Variants in WWTR1 observed in about 807,000 individuals in gnomAD.
WWTR1 encodes the protein WW domain-containing transcription regulator protein 1.
A neutral mutation model predicts 40.1 loss-of-function variants in WWTR1; 13 were observed. The observed-to-expected ratio is 0.32, with a 90% CI of 0.21 to 0.52. The LOEUF is 0.52. Ranked by LOEUF, WWTR1 falls within the 20% of genes least tolerant of loss-of-function variation. The probability of loss-of-function intolerance (pLI) is 0.97; values close to 1 mark genes in which losing one functional copy is unlikely to be tolerated. For missense variants in WWTR1, 436 were observed against 523.1 expected (o/e 0.83, Z 1.63); for synonymous variants, 230 against 210.1 (o/e 1.09, Z -0.82).
chr3:149,553,799 C>T (rs550628932), intron 3 of WWTR1, among the ~76,000 whole-genome samples: 2 of 152,184 alleles, frequency 1.3e-5, no homozygotes, highest in East Asian at 3.9e-4. Context: ...GTTTATGCGC[C>T]GTCCATGGCT....
chr3:149,705,762 G>C (rs1403407636), upstream of WWTR1, among the ~76,000 whole-genome samples: 2 of 152,106 alleles, frequency 1.3e-5, no homozygotes, highest in Non-Finnish European at 2.9e-5. Context: ...ATTCCAACTG[G>C]CAAAAATAGT....
At chr3:149,722,109 T>G (rs1715769750) in intron 4 of WWTR1, among the ~76,000 whole-genome samples, 1 of 152,166 alleles carries the variant, frequency 6.6e-6, no homozygotes. Context: ...TTTAATAATT[T>G]GAGTCTTCTT....
At chr3:149,718,843 T>C (rs1407336167) in intron 4 of WWTR1, among the ~76,000 whole-genome samples, 2 of 151,964 alleles carry the variant, frequency 1.3e-5, no homozygotes, top group Non-Finnish European at 2.9e-5. Flanking sequence ...TTTTTTTTCT[T>C]GTGGCAGGGT....
chr3:149,607,360 G>A (rs1739534721), intron 2 of WWTR1, among the ~76,000 whole-genome samples: 1 of 152,114 alleles, frequency 6.6e-6, no homozygotes, highest in Non-Finnish European at 1.5e-5. Flanking sequence ...TGTTGCCCAG[G>A]TTGGAGTGCA....
At position 149,694,217 on chromosome 3, in the gene WWTR1, C is replaced by A. The variant is rs1482815405; in HGVS notation, c.-108+8907G>T. On this transcript the variant is annotated intron_variant, in intron 1 of 7. Transcript: ENST00000465804. Reference sequence around the variant, plus strand: ...GACCAGCCTGACCAACATGGGGAAACCCCGTCTCTACTAAAAATACAAAAA... The same window carrying A: ...GACCAGCCTGACCAACATGGGGAAAACCCGTCTCTACTAAAAATACAAAAA... Among the ~76,000 whole-genome samples, 6 of 152,138 alleles carry A rather than the reference C, an allele frequency of 3.9e-5. No homozygotes were observed. The East Asian group carries it at 1.2e-3, about 29-fold the overall frequency.
At chr3:149,573,788 T>C (rs529153363) in intron 2 of WWTR1, among the ~76,000 whole-genome samples, 3 of 152,270 alleles carry the variant, frequency 2.0e-5, no homozygotes, top group South Asian at 4.2e-4. Flanking sequence ...ACATGAAACA[T>C]GAGCTTCTGC....
At chr3:149,591,956 C>T (rs147961603) in intron 2 of WWTR1, among the ~76,000 whole-genome samples, 1 of 152,300 alleles carries the variant, frequency 6.6e-6, no homozygotes, top group East Asian at 1.9e-4. Flanking sequence ...AGAGACACTT[C>T]TGATTCTGCC....
At chr3:149,689,380 C>CAAAA (rs3044083) in intron 1 of WWTR1, among the ~76,000 whole-genome samples, 34 of 36,710 alleles carry the variant, frequency 9.3e-4, no homozygotes, top group Admixed American at 9.9e-4. Context: ...GAACCTATCT[C>CAAAA]AAAAAAAAAA....
chr3:149,660,131 GT>G (rs1713508124), upstream of WWTR1: 4 of 152,320 alleles, frequency 2.6e-5, no homozygotes, highest in South Asian at 8.3e-4. Flanking sequence ...TCCTTGGAAA[GT>G]AGAATCTTTG....
rs1715832211 is a variant in WWTR1, at chr3:149,724,646, A to AC, written n.323+55dup. 2.0e-5 allele frequency: 3 copies of AC among 152,038 alleles called. No homozygotes were observed. The South Asian group carries it at 6.2e-4, about 32-fold the overall frequency. The allele number at this position is 152,038 out of a possible 1,614,324, so 9.4% of individuals were successfully genotyped here. A position where few individuals can be genotyped will look rare whatever the true frequency, so the allele number is the denominator to read the frequency against. On this transcript the variant is annotated intron_variant and non_coding_transcript_variant, in intron 3 of 6. Coordinates refer to the WWTR1 transcript ENST00000474080. Reference sequence around the variant, plus strand: ...ATTGACACCTTGAAACCTTCCAAAGACCCTATGTTAAGAACCCCTTCTAAA... The same window carrying AC: ...ATTGACACCTTGAAACCTTCCAAAGACCCCTATGTTAAGAACCCCTTCTAAA...
chr3:149,660,307 C>T (rs576220744), upstream of WWTR1: 1 of 152,342 alleles, frequency 6.6e-6, no homozygotes, highest in African/African-American at 2.4e-5. Flanking sequence ...AAAGTCCTCA[C>T]TCCCGAAGAA....
At chr3:149,626,974 A>T (rs1576606770) in intron 2 of WWTR1, among the ~76,000 whole-genome samples, 1 of 152,252 alleles carries the variant, frequency 6.6e-6, no homozygotes, top group East Asian at 1.9e-4. Flanking sequence ...AAAGCAAAGA[A>T]ATCTTAGGCC....
intron 2 of WWTR1, among the ~76,000 whole-genome samples, chr3:149,609,030 T>C (rs1739612690): frequency 6.6e-6 from 1 of 152,166 alleles, no homozygotes; most frequent in Admixed American, 6.6e-5. Context: ...GATCACACCA[T>C]TGCCCTCCTG....
intron 2 of WWTR1, among the ~76,000 whole-genome samples, chr3:149,643,963 T>G (rs1255158329): frequency 6.6e-6 from 1 of 152,170 alleles, no homozygotes; most frequent in Non-Finnish European, 1.5e-5. Flanking sequence ...TTCTTCTCAT[T>G]CTATCTGTAA....
At chr3:149,592,755 T>G (rs1232767774) in intron 2 of WWTR1, among the ~76,000 whole-genome samples, 1 of 152,194 alleles carries the variant, frequency 6.6e-6, no homozygotes, top group Non-Finnish European at 1.5e-5. Flanking sequence ...GGAGCCTGTA[T>G]CTATTCTTAG....
At chr3:149,674,401 A>G (rs557002511) in intron 1 of WWTR1, among the ~76,000 whole-genome samples, 2 of 152,094 alleles carry the variant, frequency 1.3e-5, no homozygotes, top group Admixed American at 1.3e-4. Flanking sequence ...AGCCTGGCCA[A>G]TATGGTGAAA....
intron 2 of WWTR1, among the ~76,000 whole-genome samples, chr3:149,601,821 G>A (rs192741520): frequency 2.6e-5 from 4 of 152,070 alleles, no homozygotes; most frequent in Admixed American, 1.3e-4. Flanking sequence ...ACACCCAACC[G>A]ACAATGCTAA....
chr3:149,645,140 C>A (rs201882761), intron 2 of WWTR1, among the ~76,000 whole-genome samples: 1 of 104,480 alleles, frequency 9.6e-6, no homozygotes, highest in African/African-American at 3.7e-5. Flanking sequence ...AGTGCAGTGG[C>A]GCGATCTCAG....
chr3:149,706,329 A>G (rs1400656097), upstream of WWTR1, among the ~76,000 whole-genome samples: 3 of 152,132 alleles, frequency 2.0e-5, no homozygotes, highest in Non-Finnish European at 4.4e-5. Context: ...GACTTCTTTT[A>G]TTTTTTGAGA....
Sources: allele counts gnomAD v4.1 joint callset (sites outside exome capture counted in the v4.1 genomes callset), GRCh38; gene constraint gnomAD v4.1.1; transcripts MANE v1.5; gene names NCBI Gene and HGNC (gene_info 2026-07-23, HGNC 2026-07-21).